PDS5A: variants seen among roughly 807,000 people sequenced by gnomAD.
PDS5A encodes sister chromatid cohesion protein PDS5 homolog A.
A neutral mutation model predicts 167.1 loss-of-function variants in PDS5A; 42 were observed. That is an observed-to-expected ratio of 0.25 (90% confidence interval 0.20 to 0.33). The LOEUF (loss-of-function observed/expected upper bound fraction) is 0.33. Ranked by LOEUF, PDS5A falls within the 10% of genes least tolerant of loss-of-function variation. The pLI is 1.00. For missense variants in PDS5A, 1,033 were observed against 1,605.9 expected (o/e 0.64, Z 6.10); for synonymous variants, 553 against 554.6 (o/e 1.00, Z 0.04).
At chr4:39,882,992 G>A (rs970512220) in intron 17 of PDS5A, among the ~76,000 whole-genome samples, 6 of 152,032 alleles carry the variant, frequency 3.9e-5, no homozygotes, top group African/African-American at 7.3e-5. Flanking sequence ...AGTAATGGAC[G>A]CCTTGAGTGA....
At chr4:39,899,526 T>C (rs571887819) in intron 14 of PDS5A, among the ~76,000 whole-genome samples, 6 of 152,298 alleles carry the variant, frequency 3.9e-5, no homozygotes, top group East Asian at 3.9e-4. Context: ...TTGCAAAATA[T>C]GTTTTTGCTA....
chr4:39,873,906 A>G (rs1434400689), intron 20 of PDS5A, among the ~76,000 whole-genome samples: 1 of 152,036 alleles, frequency 6.6e-6, no homozygotes, highest in African/African-American at 2.4e-5. Flanking sequence ...TTAGCTAGGC[A>G]TGGTGGTGGT....
intron 1 of PDS5A, among the ~76,000 whole-genome samples, chr4:39,976,900 G>C (rs964209388): frequency 2.0e-5 from 3 of 152,134 alleles, no homozygotes; most frequent in African/African-American, 7.2e-5. Context: ...CCACCCCCGA[G>C]CACCAGGGTC....
chr4:39,845,044 C>T (rs541879847), intron 29 of PDS5A, among the ~76,000 whole-genome samples: 86 of 152,130 alleles, frequency 5.7e-4, no homozygotes, highest in African/African-American at 2.0e-3. Context: ...CCAACCTCTA[C>T]CAAAAATACA....
chr4:39,963,093 T>C (rs1578837616), intron 2 of PDS5A, among the ~76,000 whole-genome samples: 1 of 151,336 alleles, frequency 6.6e-6, no homozygotes, highest in African/African-American at 2.4e-5. Flanking sequence ...CCAAGGCAGG[T>C]GGATCACTGG....
intron 2 of PDS5A, chr4:39,933,579 TAAATTA>T (rs2109751060): frequency 6.6e-6 from 1 of 152,148 alleles, no homozygotes; most frequent in South Asian, 2.1e-4. Flanking sequence ...AGATTGTTAT[TAAATTA>T]AAATAAACTG....
chr4:39,942,047 G>C (rs1473451224), intron 2 of PDS5A, among the ~76,000 whole-genome samples: 2 of 152,120 alleles, frequency 1.3e-5, no homozygotes, highest in Non-Finnish European at 2.9e-5. Context: ...AGTCTCTTTA[G>C]ATTTTAAAAC....
chr4:39,973,855 G>A, intron 2 of PDS5A: 1 of 894,226 alleles, frequency 1.1e-6, no homozygotes, highest in Non-Finnish European at 1.9e-6. Flanking sequence ...ACCGGGCGCG[G>A]TGGCTCACGC....
intron 26 of PDS5A, among the ~76,000 whole-genome samples, chr4:39,853,182 C>T (rs943530381): frequency 1.3e-5 from 2 of 152,158 alleles, no homozygotes; most frequent in Non-Finnish European, 2.9e-5. Flanking sequence ...CTCAAATAAT[C>T]CTCTTGTCTT....
chr4:39,948,210 C>CAAAAAA (rs35177594), intron 2 of PDS5A, among the ~76,000 whole-genome samples: 5 of 96,458 alleles, frequency 5.2e-5, no homozygotes, highest in Non-Finnish European at 8.1e-5. Flanking sequence ...TATCCCGTCT[C>CAAAAAA]AAAAAAAAAA....
chr4:39,853,078 A>C (rs1032553789), intron 26 of PDS5A, among the ~76,000 whole-genome samples: 50 of 151,888 alleles, frequency 3.3e-4, no homozygotes, highest in African/African-American at 1.1e-3. Flanking sequence ...AGCTGGGACT[A>C]CAGGCACATG....
chr4:39,862,479 CT>C (rs1719079592), intron 25 of PDS5A, 146 bp from the exon 26 acceptor site: 1 of 503,522 alleles, frequency 2.0e-6, no homozygotes, highest in African/African-American at 2.0e-5. Context: ...TTACACTTCA[CT>C]TTTCAATTTC....
chr4:39,925,176 A>G (rs1472307127), intron 5 of PDS5A, among the ~76,000 whole-genome samples: 1 of 152,128 alleles, frequency 6.6e-6, no homozygotes, highest in Non-Finnish European at 1.5e-5. Flanking sequence ...ACACACAAAA[A>G]AAACCAAACC....
chr4:39,841,905 A>G, intron 31 of PDS5A, 43 bp downstream of exon 31: 1 of 1,048,606 alleles, frequency 9.5e-7, no homozygotes, highest in African/African-American at 1.6e-5. Flanking sequence ...AAACTGTAAT[A>G]ATCTCCATGG....
intron 9 of PDS5A, among the ~76,000 whole-genome samples, chr4:39,911,291 G>A (rs541242544): frequency 6.6e-6 from 1 of 152,078 alleles, no homozygotes; most frequent in Non-Finnish European, 1.5e-5. Flanking sequence ...AGCTACTCAG[G>A]AGGCCGAGGC....
At chr4:39,895,925 C>T (rs1032224612) in intron 16 of PDS5A, among the ~76,000 whole-genome samples, 6 of 151,490 alleles carry the variant, frequency 4.0e-5, no homozygotes, top group African/African-American at 9.7e-5. Flanking sequence ...GGGGTCTCAC[C>T]GTGTTAGCCA....
At chr4:39,888,697 A>AC (rs1473161419) in intron 17 of PDS5A, among the ~76,000 whole-genome samples, 2 of 151,954 alleles carry the variant, frequency 1.3e-5, no homozygotes, top group Non-Finnish European at 2.9e-5. Context: ...CAACAAAAAA[A>AC]AAACAAATAT....
Position 39,866,853 on chromosome 4 carries a change from A to T in PDS5A, c.2642+8T>A, listed in dbSNP as rs772907958. On this transcript the variant is annotated splice_region_variant and intron_variant, in intron 23 of 32. Transcript: ENST00000303538. ...ACTAAGAAAACTGGAAAGAAAGAAA[A>T]ATCTCACCTGATCCTCTTTTGCTCT... is the stretch of plus-strand genomic sequence containing the variant. 28 of 1,593,948 alleles carry T rather than the reference A, an allele frequency of 1.8e-5. No homozygotes were observed. In the South Asian group the frequency reaches 3.1e-4, roughly 18 times the overall value.
At chr4:39,899,076 GTA>G (rs1722658478) in intron 14 of PDS5A, among the ~76,000 whole-genome samples, 1 of 152,078 alleles carries the variant, frequency 6.6e-6, no homozygotes, top group Non-Finnish European at 1.5e-5. Flanking sequence ...AAACCCACAA[GTA>G]TATAACTTTC....
Sources: gnomAD v4.1 joint callset for allele counts (sites outside exome capture counted in the v4.1 genomes callset) on GRCh38, gnomAD v4.1.1 for gene constraint, MANE v1.5 for transcripts, NCBI Gene and HGNC (gene_info 2026-07-23, HGNC 2026-07-21) for gene names.